The following CDK12 variants were observed in gnomAD, a reference collection of about 807,000 sequenced individuals.
CDK12 encodes cyclin dependent kinase 12, also known as cyclin-dependent kinase 12.
Under a neutral mutation model 133.8 loss-of-function variants are expected in CDK12, and 17 were observed. The ratio of observed to expected loss-of-function variants is 0.13; its 90% CI spans 0.09 to 0.19. The LOEUF (loss-of-function observed/expected upper bound fraction) is 0.19. Ranked by LOEUF, CDK12 falls within the 10% of genes least tolerant of loss-of-function variation. The probability of loss-of-function intolerance (pLI) is 1.00; values close to 1 mark genes in which losing one functional copy is unlikely to be tolerated. For synonymous variants in CDK12, 694 were observed against 683.6 expected (o/e 1.02, Z -0.24); for missense variants, 1,508 against 1,818.7 (o/e 0.83, Z 3.11).
chr17:39,468,809 T>TAA (rs1439513224), intron 1 of CDK12, among the ~76,000 whole-genome samples: 68 of 147,752 alleles, frequency 4.6e-4, no homozygotes, highest in African/African-American at 1.2e-3. Context: ...ATTAATTAAT[T>TAA]TATTTATTTA....
At position 39,504,893 on chromosome 17, in the gene CDK12, A is replaced by AAAAC. The variant is rs2052987726; in HGVS notation, c.2609+3457_2609+3458insCAAA. On this transcript the variant is annotated intron_variant, in intron 6 of 13. Transcript: ENST00000447079. ...AGACCCTGTCTCAAAAAAAAAAAAAAAAAAAACGCTAAGGAGAAAGAAAAT... is the reference window on the plus strand; with the variant it reads ...AGACCCTGTCTCAAAAAAAAAAAAAAAAACAAAAAACGCTAAGGAGAAAGAAAAT... 4.0e-5 allele frequency among the ~76,000 whole-genome samples: 6 copies of AAAAC among 150,536 alleles called. No homozygotes were observed. In the South Asian group the frequency reaches 1.0e-3, roughly 26 times the overall value.
At chr17:39,491,435 C>A (rs1371580206) in intron 3 of CDK12, among the ~76,000 whole-genome samples, 1 of 152,024 alleles carries the variant, frequency 6.6e-6, no homozygotes, top group Non-Finnish European at 1.5e-5. Context: ...TGGGGTTTCA[C>A]CATGTTGGCC....
chr17:39,473,560 C>A (rs1389600709), intron 2 of CDK12, among the ~76,000 whole-genome samples: 1 of 151,952 alleles, frequency 6.6e-6, no homozygotes, highest in Non-Finnish European at 1.5e-5. Flanking sequence ...CTGGCCAACA[C>A]GATGGAACCC....
chr17:39,563,158 A>G (rs1420437572), intron 3 of CDK12, among the ~76,000 whole-genome samples: 1 of 151,918 alleles, frequency 6.6e-6, no homozygotes, highest in Admixed American at 6.5e-5. Context: ...CTGCGATCCA[A>G]AACAGAGACA....
chr17:39,540,729 A>T (rs2055366679), intron 1 of CDK12, among the ~76,000 whole-genome samples: 1 of 152,074 alleles, frequency 6.6e-6, no homozygotes. Flanking sequence ...CCCATTTATT[A>T]ATTGGGCTGG....
At chr17:39,501,228 AT>A (rs753291584) in intron 5 of CDK12, 21 bp from the exon 6 acceptor site, 78 of 1,461,250 alleles carry the variant, frequency 5.3e-5, no homozygotes, top group East Asian at 1.0e-4. Context: ...CTTGCTTTTA[AT>A]TTTTTTTCGT....
chr17:39,533,253 C>T lies in CDK12; in HGVS notation c.*1937C>T, dbSNP rs755663676. The stretch of plus-strand genomic sequence containing the variant: ...AACACTGATTTAGAAAGAGAGCCTT[C>T]TAGCTATTTTGGCATTGATGGCTTT... On this transcript the variant is annotated 3_prime_UTR_variant, in exon 14 of 14. Coordinates refer to ENST00000447079, the MANE Select transcript of CDK12 (RefSeq NM_016507.4). 3.9e-5 allele frequency: 9 copies of T among 233,096 alleles called. No individual in the cohort carries two copies. Among genetic ancestry groups the T allele is most frequent in the Non-Finnish European group, 7.6e-5 (9 of 117,890 alleles). The allele number at this position is 233,096 out of a possible 1,614,324, so 14.4% of individuals were successfully genotyped here.
intron 6 of CDK12, among the ~76,000 whole-genome samples, chr17:39,508,597 A>G (rs956038591): frequency 1.3e-5 from 2 of 152,124 alleles, no homozygotes; most frequent in African/African-American, 2.4e-5. Flanking sequence ...CGATGGGTCA[A>G]TAGGTGCAGC....
At position 39,533,397 on chromosome 17, in the gene CDK12, G is replaced by T. The variant is rs142419434; in HGVS notation, c.*2081G>T. 2.1e-5 allele frequency: 5 copies of T among 232,950 alleles called. No individual in the cohort carries two copies. The highest frequency in any genetic ancestry group is 4.2e-5 in the Non-Finnish European group (5 of 117,894). The allele number at this position is 232,950 out of a possible 1,614,324, so 14.4% of individuals were successfully genotyped here. A position where few individuals can be genotyped will look rare whatever the true frequency, so the allele number is the denominator to read the frequency against. On this transcript the variant is annotated 3_prime_UTR_variant, in exon 14 of 14. Transcript: ENST00000447079. Reference sequence around the variant, plus strand: ...TCTTAGTCCTCAGACATGGGCCTTTGTGTTTTAGAATATTTGAATTTGAGT... The same window carrying T: ...TCTTAGTCCTCAGACATGGGCCTTTTTGTTTTAGAATATTTGAATTTGAGT...
At chr17:39,466,223 G>A (rs1250171547) in intron 1 of CDK12, among the ~76,000 whole-genome samples, 1 of 150,934 alleles carries the variant, frequency 6.6e-6, no homozygotes, top group African/African-American at 2.4e-5. Flanking sequence ...CAGGAGAATC[G>A]CTTGAACCTG....
chr17:39,523,940 C>T (rs542754887), intron 11 of CDK12, among the ~76,000 whole-genome samples: 11 of 152,240 alleles, frequency 7.2e-5, no homozygotes, highest in Admixed American at 3.9e-4. Context: ...CATGAGCTGC[C>T]GCGCCCAGCC....
At chr17:39,543,860 A>G (rs1412207569), upstream of CDK12, 1 of 174,970 alleles carries the variant, frequency 5.7e-6, no homozygotes, top group Non-Finnish European at 1.2e-5. Context: ...TCATGATCTG[A>G]TCTAAAACTG....
intron 2 of CDK12, among the ~76,000 whole-genome samples, chr17:39,490,346 G>T (rs956865891): frequency 1.3e-5 from 2 of 150,866 alleles, no homozygotes; most frequent in Non-Finnish European, 2.9e-5. Context: ...TAGCCTGGGC[G>T]ACAGAGTGAT....
upstream of CDK12, chr17:39,548,823 C>T (rs1397345796): frequency 6.6e-6 from 1 of 152,306 alleles, no homozygotes; most frequent in East Asian, 1.9e-4. Flanking sequence ...ACAATTGACC[C>T]TCCATCTCCA....
chr17:39,514,492 G>A (rs1052099358), intron 8 of CDK12, among the ~76,000 whole-genome samples: 1 of 151,480 alleles, frequency 6.6e-6, no homozygotes, highest in Non-Finnish European at 1.5e-5. Context: ...TTTCAGGCAC[G>A]TAACAAAAAG....
chr17:39,510,059 C>T (rs2053385887), intron 7 of CDK12, among the ~76,000 whole-genome samples: 1 of 151,602 alleles, frequency 6.6e-6, no homozygotes, highest in Admixed American at 6.6e-5. Flanking sequence ...GCCTCAGCCT[C>T]CCAAAGTGCC....
rs1198984600 is a variant in CDK12 at position 39,511,639 on chromosome 17, C to G, written c.2768+9C>G. ...GATGTTTGGAGCTGTGGGTAAGGTT[C>G]TGTTAACTTTTTCTTTTGTCTGTAA... On this transcript the variant is annotated intron_variant, in intron 8 of 13. Transcript: ENST00000447079. 1 of 1,580,500 alleles carries G rather than the reference C, an allele frequency of 6.3e-7. No individual in the cohort carries two copies. The highest frequency in any genetic ancestry group is 1.7e-5 in the Admixed American group (1 of 59,790).
chr17:39,504,046 T>G (rs189689988), intron 6 of CDK12, among the ~76,000 whole-genome samples: 1 of 152,290 alleles, frequency 6.6e-6, no homozygotes, highest in Non-Finnish European at 1.5e-5. Context: ...ATGGACTCGG[T>G]AGATCTGTAG....
intron 2 of CDK12, among the ~76,000 whole-genome samples, chr17:39,474,896 C>T (rs1027581405): frequency 4.0e-5 from 6 of 148,786 alleles, no homozygotes; most frequent in Non-Finnish European, 5.9e-5. Context: ...TGCAATGGCG[C>T]GATCTCAGCT....
Sources: allele counts gnomAD v4.1 joint callset (sites outside exome capture counted in the v4.1 genomes callset), GRCh38; gene constraint gnomAD v4.1.1; transcripts MANE v1.5; gene names NCBI Gene and HGNC (gene_info 2026-07-23, HGNC 2026-07-21).